ROBO2: variants seen among roughly 807,000 people sequenced by gnomAD.
ROBO2 encodes roundabout homolog 2.
Under a neutral mutation model 160.8 loss-of-function variants are expected in ROBO2, and 53 were observed. The observed-to-expected ratio is 0.33, with a 90% CI of 0.26 to 0.41. The LOEUF (loss-of-function observed/expected upper bound fraction) is 0.41. Ranked by LOEUF, ROBO2 falls within the 10% of genes least tolerant of loss-of-function variation. ROBO2 has a pLI of 1.00. For synonymous variants in ROBO2, 664 were observed against 611.7 expected (o/e 1.09, Z -1.26); for missense variants, 1,577 against 1,722.4 (o/e 0.92, Z 1.49).
intron 2 of ROBO2, among the ~76,000 whole-genome samples, chr3:76,981,623 A>G (rs2060102760): frequency 6.6e-6 from 1 of 152,160 alleles, no homozygotes; most frequent in Non-Finnish European, 1.5e-5. Flanking sequence ...TCTCTTCACA[A>G]TATCTGTATT....
chr3:76,581,005 T>G (rs2108727916), intron 2 of ROBO2, among the ~76,000 whole-genome samples: 1 of 152,274 alleles, frequency 6.6e-6, no homozygotes, highest in South Asian at 2.1e-4. Flanking sequence ...AGTCATTTGC[T>G]TAGTGATTGT....
intron 2 of ROBO2, among the ~76,000 whole-genome samples, chr3:77,362,007 A>G (rs1036416281): frequency 1.3e-5 from 2 of 152,200 alleles, no homozygotes; most frequent in African/African-American, 4.8e-5. Context: ...AACGGAGAAG[A>G]ACATTAACCA....
In ROBO2 at chr3:77,077,843, C is replaced by G. The variant is rs557918336; in HGVS notation, c.62-20171C>G. 2.0e-5 allele frequency among the ~76,000 whole-genome samples: 3 copies of G among 152,094 alleles called. No homozygotes were observed. In the South Asian group the frequency reaches 6.2e-4, roughly 32 times the overall value. Reference sequence around the variant, plus strand: ...GCATAGAGAATCATTCCTGGGTATTCTAGAATCTCTGCCAGTTTCTGTCTC... The same window carrying G: ...GCATAGAGAATCATTCCTGGGTATTGTAGAATCTCTGCCAGTTTCTGTCTC... On this transcript the variant is annotated intron_variant, in intron 1 of 25. Coordinates refer to ENST00000461745, the Ensembl canonical transcript of ROBO2.
In ROBO2 at chr3:76,724,931, A is replaced by G. The variant is rs553833735; in HGVS notation, c.110-373083A>G. ...TGACCACAGAGGCAGAGGGTGGAGT[A>G]ATTTGGCTGCAATTCAGGGAACTCC... On this transcript the variant is annotated intron_variant, in intron 2 of 26. Coordinates refer to the ROBO2 transcript ENST00000487694. Among the ~76,000 whole-genome samples the G allele has an allele frequency of 8.9e-4, 135 of 152,190 alleles. 1 individual carries two copies. The highest frequency in any genetic ancestry group is 1.6e-3 in the Non-Finnish European group (109 of 68,008).
intron 2 of ROBO2, chr3:76,311,392 C>CT (rs1352319633): frequency 6.6e-6 from 1 of 152,164 alleles, no homozygotes; most frequent in Non-Finnish European, 1.5e-5. Flanking sequence ...CCCGGACCCC[C>CT]TGGAAAGGAA....
intron 2 of ROBO2, among the ~76,000 whole-genome samples, chr3:77,160,352 GT>G (rs2078376117): frequency 6.6e-6 from 1 of 151,946 alleles, no homozygotes; most frequent in East Asian, 1.9e-4. Flanking sequence ...ATTTTATAAA[GT>G]TTTTTTGGAA....
chr3:76,756,143 G>A (rs1165184390), intron 2 of ROBO2, among the ~76,000 whole-genome samples: 1 of 151,702 alleles, frequency 6.6e-6, no homozygotes, highest in African/African-American at 2.4e-5. Context: ...TATTGGCCAG[G>A]CTCAAGAAAA....
intron 2 of ROBO2, among the ~76,000 whole-genome samples, chr3:77,259,346 C>T (rs1287352546): frequency 1.3e-5 from 2 of 152,114 alleles, no homozygotes; most frequent in East Asian, 1.9e-4. Flanking sequence ...ATTTGTTTTG[C>T]GTGTCTCTAT....
chr3:77,596,690 A>C (rs776321984), exon 19 of ROBO2: 4 of 1,613,770 alleles, frequency 2.5e-6, no homozygotes, highest in Non-Finnish European at 3.4e-6. Flanking sequence ...GCCAGCCACG[A>C]GCTTGCCAGT....
At chr3:76,205,020 A>C (rs1000516621) in intron 2 of ROBO2, among the ~76,000 whole-genome samples, 2 of 152,202 alleles carry the variant, frequency 1.3e-5, no homozygotes, top group Admixed American at 6.5e-5. Flanking sequence ...TATCACTGAG[A>C]CGAAGTTACC....
chr3:77,622,575 T>C, intron 23 of ROBO2, 143 bp downstream of exon 24: 1 of 739,906 alleles, frequency 1.4e-6, no homozygotes, highest in Non-Finnish European at 2.2e-6. Context: ...AAATACAAAA[T>C]TCAAAAAGGA....
At chr3:77,478,430 GT>G in intron 3 of ROBO2, among the ~76,000 whole-genome samples, 2 of 152,236 alleles carry the variant, frequency 1.3e-5, no homozygotes, top group Middle Eastern at 6.8e-3. Context: ...AAAAATAACT[GT>G]TTTCAAAGGA....
At chr3:76,813,602 G>A (rs1011773750) in intron 2 of ROBO2, among the ~76,000 whole-genome samples, 1 of 152,058 alleles carries the variant, frequency 6.6e-6, no homozygotes. Context: ...TGAAATTATT[G>A]TGATAAGCAA....
In ROBO2 at chr3:76,525,736, CT is replaced by C. The variant is rs372038251; in HGVS notation, c.110-572276del. Reference sequence around the variant, plus strand: ...TTTTGCAGGAGTTCTTGTATACAGCCTTCATAGTCATAGTATAATTAACATT... The same window carrying C: ...TTTTGCAGGAGTTCTTGTATACAGCCTCATAGTCATAGTATAATTAACATT... On this transcript the variant is annotated intron_variant, in intron 2 of 26. Coordinates refer to the ROBO2 transcript ENST00000487694. 2.8e-4 allele frequency among the ~76,000 whole-genome samples: 43 copies of C among 151,988 alleles called. 2 individuals carry two copies. The highest frequency in any genetic ancestry group is 2.7e-3 in the South Asian group (13 of 4,828).
At chr3:76,298,986 A>G (rs1258464208) in intron 2 of ROBO2, among the ~76,000 whole-genome samples, 4 of 152,204 alleles carry the variant, frequency 2.6e-5, no homozygotes, top group Non-Finnish European at 4.4e-5. Flanking sequence ...AATAGTGTCT[A>G]TAAGTGTCTG....
intron 2 of ROBO2, among the ~76,000 whole-genome samples, chr3:76,092,266 A>G (rs2069266293): frequency 6.6e-6 from 1 of 152,186 alleles, no homozygotes; most frequent in Non-Finnish European, 1.5e-5. Context: ...TTTAAAAAAT[A>G]CACATATATT....
intron 2 of ROBO2, among the ~76,000 whole-genome samples, chr3:77,257,154 G>T (rs916430397): frequency 7.2e-5 from 11 of 152,176 alleles, no homozygotes; most frequent in Non-Finnish European, 1.3e-4. Flanking sequence ...AATCTGAAAT[G>T]AGGGCCCCTG....
At chr3:76,590,887 T>C (rs1242065158) in intron 2 of ROBO2, among the ~76,000 whole-genome samples, 1 of 152,164 alleles carries the variant, frequency 6.6e-6, no homozygotes, top group Non-Finnish European at 1.5e-5. Flanking sequence ...TTATGCACCT[T>C]CGTTTTGTTA....
intron 2 of ROBO2, among the ~76,000 whole-genome samples, chr3:76,984,616 T>C (rs1280827318): frequency 1.3e-5 from 2 of 152,072 alleles, no homozygotes; most frequent in South Asian, 4.1e-4. Context: ...TAGAAAAAGT[T>C]TGAAAGATAC....
Sources: allele counts gnomAD v4.1 joint callset (sites outside exome capture counted in the v4.1 genomes callset), GRCh38; gene constraint gnomAD v4.1.1; transcripts MANE v1.5; gene names NCBI Gene and HGNC (gene_info 2026-07-23, HGNC 2026-07-21).